HSD17B1: variants seen among roughly 807,000 people sequenced by gnomAD.
The protein encoded by HSD17B1 is hydroxysteroid 17-beta dehydrogenase 1, also known as 17-beta-hydroxysteroid dehydrogenase type 1.
In HSD17B1, 16 loss-of-function variants were observed where a neutral mutation model predicts 22.7. The observed-to-expected ratio is 0.71, with a 90% CI of 0.48 to 1.07. The LOEUF (loss-of-function observed/expected upper bound fraction) is 1.07, where lower values mean the gene tolerates loss of function less well. Ranked by LOEUF, HSD17B1 falls within the 50% of genes least tolerant of loss-of-function variation. HSD17B1 has a pLI of 0.00. For missense variants in HSD17B1, 533 were observed against 459.9 expected (o/e 1.16, Z -1.45); for synonymous variants, 243 against 211.0 (o/e 1.15, Z -1.31).
intron 4 of HSD17B1, 197 bp downstream of exon 4, chr17:42,554,084 A>G: frequency 1.5e-6 from 1 of 653,798 alleles, no homozygotes; most frequent in Non-Finnish European, 2.7e-6. Flanking sequence ...AAGTGTTGGT[A>G]TTGTTATGGG....
In HSD17B1 at chr17:42,554,899, G is replaced by T. The variant is rs564328490; in HGVS notation, c.948G>T (p.Gly316=). ...AEDEAGRGAV[G]DPELGDPPAA... ...ACGAGGCCGGGCGCGGTGCGGTGGG[G>T]GACCCTGAGCTCGGCGATCCTCCGG... The change falls in exon 6 of 6, where the codon GGG becomes GGT. Residue 316 remains glycine, a synonymous_variant. Coordinates refer to ENST00000585807, the MANE Select transcript of HSD17B1 (RefSeq NM_000413.4). 5.3e-6 allele frequency: 8 copies of T among 1,519,264 alleles called. No individual in the cohort carries two copies. The African/African-American group carries it at 8.3e-5, about 16-fold the overall frequency. 94.1% of individuals were successfully genotyped at this position (1,519,264 alleles called of 1,614,324 possible). A position where few individuals can be genotyped will look rare whatever the true frequency, so the allele number is the denominator to read the frequency against.
Position 42,553,423 on chromosome 17 carries a change from C to A in HSD17B1, c.266-16C>A. On this transcript the variant is annotated splice_polypyrimidine_tract_variant and intron_variant, in intron 2 of 5. Transcript: ENST00000585807. The stretch of plus-strand genomic sequence containing the variant: ...GTGATGCTGAGGCGGGCTGGTCGGG[C>A]CTCTTGTCTCCGCAGTGTGTAACGC... 6.2e-7 allele frequency: 1 copy of A among 1,610,452 alleles called. No homozygotes were observed.
intron 4 of HSD17B1, 184 bp downstream of exon 4, chr17:42,554,071 C>T: frequency 3.0e-6 from 2 of 666,832 alleles, no homozygotes; most frequent in Middle Eastern, 2.4e-4. Flanking sequence ...GACCTAGCTG[C>T]TGAAGTGTTG....
intron 4 of HSD17B1, chr17:42,554,147 A>T: frequency 1.5e-6 from 1 of 647,794 alleles, no homozygotes. Context: ...CACAGCGGCC[A>T]GGGACCCCGC....
In HSD17B1 at chr17:42,553,533, GC is replaced by G. The variant is rs1348325249; in HGVS notation, c.361del (p.Arg121GlyfsTer10). ...TGGACGTGAATGTAGTAGGGACTGTGCGGATGCTGCAGGCCTTCCTGCCAGA... is the reference window on the plus strand; with the variant it reads ...TGGACGTGAATGTAGTAGGGACTGTGGGATGCTGCAGGCCTTCCTGCCAGA... ...VLDVNVVGTV[R>X]MLQAFLPDMK... is the part of the protein sequence containing the mutation. On this transcript the variant is annotated frameshift_variant, in exon 3 of 6. Transcript: ENST00000585807. LOFTEE classifies it high-confidence loss of function. 6.2e-7 allele frequency: 1 copy of G among 1,614,022 alleles called. No individual in the cohort carries two copies. Among genetic ancestry groups the G allele is most frequent in the Non-Finnish European group, 8.5e-7 (1 of 1,179,936 alleles).
intron 5 of HSD17B1, 39 bp from the exon 6 acceptor site, chr17:42,554,630 C>T (rs751558334): frequency 2.5e-6 from 4 of 1,605,456 alleles, no homozygotes; most frequent in African/African-American, 2.7e-5. Context: ...CGTCCTCCGG[C>T]GCGCAGCGGT....
chr17:42,555,109 T>C lies in HSD17B1; in HGVS notation c.*171T>C. 7.6e-7 allele frequency: 1 copy of C among 1,320,838 alleles called. No homozygotes were observed. The highest frequency in any genetic ancestry group is 9.7e-7 in the Non-Finnish European group (1 of 1,026,146). 81.8% of individuals were successfully genotyped at this position (1,320,838 alleles called of 1,614,324 possible). On this transcript the variant is annotated 3_prime_UTR_variant, in exon 6 of 6. Transcript: ENST00000585807. ...GCTGTCGCCTGTAATGCCAGCGCTT[T>C]GGGAGGCGGAGGCAGGAGGATCGCT...
chr17:42,554,744 C>T lies in HSD17B1; in HGVS notation c.793C>T (p.Arg265Trp), dbSNP rs1422753250. 1 of 1,604,028 alleles carries T rather than the reference C, an allele frequency of 6.2e-7. No individual in the cohort carries two copies. The highest frequency in any genetic ancestry group is 8.5e-7 in the Non-Finnish European group (1 of 1,179,742). ...FTTERFLPLL[R>W]MRLDDPSGSN... ...CACCGAGCGCTTCCTGCCCCTGCTG[C>T]GGATGCGCCTGGACGACCCCAGCGG... Residue 265 changes from arginine (R) to tryptophan (W), a missense_variant, in exon 6 of 6, where the codon CGG becomes TGG. Transcript: ENST00000585807.
rs1003758694 is a variant in HSD17B1 at position 42,553,696 on chromosome 17, G to C, written c.445+78G>C. On this transcript the variant is annotated intron_variant, in intron 3 of 5. Transcript: ENST00000585807. ...GAGCCTTGAAGGCAGGTTCCGCGGG[G>C]GGGGTGGAGTGGGGTGCCGTCAGCT... The C allele has an allele frequency of 1.1e-4, 174 of 1,598,030 alleles. 1 individual carries two copies. The highest frequency in any genetic ancestry group is 1.4e-4 in the Non-Finnish European group (166 of 1,168,678).
Position 42,553,810 on chromosome 17 carries a change from C to T in HSD17B1, c.462C>T (p.Asp154=). The change falls in exon 4 of 6, where the codon GAC becomes GAT. Residue 154 remains aspartate, a synonymous_variant. Transcript: ENST00000585807. ...CCACCTAAGGGCTGCCTTTCAATGA[C>T]GTTTATTGCGCCAGCAAGTTCGCGC... The part of the protein sequence containing the change: ...VGGLMGLPFN[D]VYCASKFALE... 3.1e-6 allele frequency: 5 copies of T among 1,613,152 alleles called. No individual in the cohort carries two copies. Among genetic ancestry groups the T allele is most frequent in the East Asian group, 2.2e-5 (1 of 44,842 alleles).
intron 3 of HSD17B1, 65 bp from the exon 4 acceptor site, chr17:42,553,729 G>T: frequency 6.3e-7 from 1 of 1,595,454 alleles, no homozygotes; most frequent in Admixed American, 1.7e-5. Flanking sequence ...GCTTGGAGGG[G>T]CACCGTCTGC....
intron 4 of HSD17B1, chr17:42,554,139 C>T (rs1197305723): frequency 4.7e-6 from 3 of 641,218 alleles, no homozygotes; most frequent in African/African-American, 3.7e-5. Context: ...CAAGGTCACA[C>T]AGCGGCCAGG....
chr17:42,554,958 C>A lies in HSD17B1; in HGVS notation c.*20C>A. On this transcript the variant is annotated 3_prime_UTR_variant, in exon 6 of 6. Coordinates refer to ENST00000585807, the MANE Select transcript of HSD17B1 (RefSeq NM_000413.4). ...CAGTAAAGGCTTCCTCAGCCGCTGT[C>A]TCCCGCGCCCTTCTTTGTCCCCTGG... The A allele has an allele frequency of 1.4e-6, 2 of 1,446,052 alleles. No homozygotes were observed. Among genetic ancestry groups the A allele is most frequent in the Non-Finnish European group, 1.8e-6 (2 of 1,107,750 alleles). 89.6% of individuals were successfully genotyped at this position (1,446,052 alleles called of 1,614,324 possible).
intron 4 of HSD17B1, chr17:42,554,127 C>T (rs1228708994): frequency 3.1e-6 from 2 of 636,404 alleles, no homozygotes; most frequent in South Asian, 1.9e-5. Flanking sequence ...AGGTGACTGG[C>T]CCAAGGTCAC....
rs2092959054 is a variant in HSD17B1, at chr17:42,555,071, G to A, written c.*133G>A. The A allele has an allele frequency of 1.5e-6, 2 of 1,375,000 alleles. No individual in the cohort carries two copies. The highest frequency in any genetic ancestry group is 1.9e-6 in the Non-Finnish European group (2 of 1,070,608). 85.2% of individuals were successfully genotyped at this position (1,375,000 alleles called of 1,614,324 possible). A position where few individuals can be genotyped will look rare whatever the true frequency, so the allele number is the denominator to read the frequency against. On this transcript the variant is annotated 3_prime_UTR_variant, in exon 6 of 6. Coordinates refer to ENST00000585807, the MANE Select transcript of HSD17B1 (RefSeq NM_000413.4). ...CGCGTTAGCCAGTTTTACCAGCGCA[G>A]CTAGGCGCGATGGCTGTCGCCTGTA... is the stretch of plus-strand genomic sequence containing the variant.
rs1291050034 is a variant in HSD17B1, at chr17:42,554,769, G to T, written c.818G>T (p.Gly273Val). Reference protein sequence around the residue: ...LLRMRLDDPSGSNYVTAMHRE... With the variant: ...LLRMRLDDPSVSNYVTAMHRE... Reference sequence around the variant, plus strand: ...CGGATGCGCCTGGACGACCCCAGCGGCTCCAACTACGTCACCGCCATGCAC... The same window carrying T: ...CGGATGCGCCTGGACGACCCCAGCGTCTCCAACTACGTCACCGCCATGCAC... Residue 273 changes from glycine (G) to valine (V), a missense_variant, in exon 6 of 6, where the codon GGC (glycine) becomes GTC (valine). Physicochemically the swap from Gly to Val is moderately radical, Grantham distance 109. Coordinates refer to ENST00000585807, the MANE Select transcript of HSD17B1 (RefSeq NM_000413.4). 6.2e-7 allele frequency: 1 copy of T among 1,603,570 alleles called. No homozygotes were observed. The highest frequency in any genetic ancestry group is 1.1e-5 in the South Asian group (1 of 91,084).
At position 42,553,586 on chromosome 17, in the gene HSD17B1, T is replaced by C; in HGVS notation, c.413T>C (p.Val138Ala). ...ATGAAGAGGCGCGGTTCGGGACGCGTGTTGGTGACCGGGAGCGTGGGAGGA... is the reference window on the plus strand; with the variant it reads ...ATGAAGAGGCGCGGTTCGGGACGCGCGTTGGTGACCGGGAGCGTGGGAGGA... ...PDMKRRGSGR[V>A]LVTGSVGGLM... is the part of the protein sequence containing the mutation. Residue 138 changes from valine to alanine, a missense_variant, in exon 3 of 6, where the codon GTG becomes GCG. Coordinates refer to ENST00000585807, the MANE Select transcript of HSD17B1 (RefSeq NM_000413.4). 1 of 1,611,568 alleles carries C rather than the reference T, an allele frequency of 6.2e-7. No homozygotes were observed. The highest frequency in any genetic ancestry group is 8.5e-7 in the Non-Finnish European group (1 of 1,178,968).
rs2092958846 is a variant in HSD17B1 at position 42,555,013 on chromosome 17, G to C, written c.*75G>C. 7.1e-7 allele frequency: 1 copy of C among 1,409,840 alleles called. No individual in the cohort carries two copies. Among genetic ancestry groups the C allele is most frequent in the South Asian group, 1.5e-5 (1 of 64,676 alleles). The allele number at this position is 1,409,840 out of a possible 1,614,324, so 87.3% of individuals were successfully genotyped here. A position where few individuals can be genotyped will look rare whatever the true frequency, so the allele number is the denominator to read the frequency against. On this transcript the variant is annotated 3_prime_UTR_variant, in exon 6 of 6. Transcript: ENST00000585807. ...GTGTGGTCCCTGGGGATGGGGCGGCGGTAGCAGCTGTGGGTGGCTAATTAA... is the reference window on the plus strand; with the variant it reads ...GTGTGGTCCCTGGGGATGGGGCGGCCGTAGCAGCTGTGGGTGGCTAATTAA...
rs765300838 is a variant in HSD17B1 at position 42,553,894 on chromosome 17, C to T, written c.539+7C>T. 8 of 1,608,416 alleles carry T rather than the reference C, an allele frequency of 5.0e-6. No homozygotes were observed. In the African/African-American group the frequency reaches 9.4e-5, roughly 19 times the overall value. On this transcript the variant is annotated splice_region_variant and intron_variant, in intron 4 of 5. Transcript: ENST00000585807. ...TGCTGCCCTTTGGGGTCCAGTGAGT[C>T]AACACCCCCGTTCCCCGAACCCTCT... is the stretch of plus-strand genomic sequence containing the variant.
Sources: allele counts gnomAD v4.1 joint callset, GRCh38; gene constraint gnomAD v4.1.1; transcripts MANE v1.5; gene names NCBI Gene and HGNC (gene_info 2026-07-23, HGNC 2026-07-21).